Variants in TENM3 observed in about 807,000 individuals in gnomAD.
TENM3 encodes teneurin transmembrane protein 3.
Under a neutral mutation model 255.1 loss-of-function variants are expected in TENM3, and 63 were observed. The ratio of observed to expected loss-of-function variants is 0.25; its 90% CI spans 0.20 to 0.30. The LOEUF is 0.30. TENM3 is among the 10% of genes least tolerant of loss of function. The probability of loss-of-function intolerance (pLI) is 1.00; values close to 1 mark genes in which losing one functional copy is unlikely to be tolerated. For synonymous variants in TENM3, 1,306 were observed against 1,322.3 expected (o/e 0.99, Z 0.27); for missense variants, 2,929 against 3,461.1 (o/e 0.85, Z 3.86).
chr4:181,958,381 C>A, the TENM3 span, among the ~76,000 whole-genome samples: 1 of 152,098 alleles, frequency 6.6e-6, no homozygotes, highest in Non-Finnish European at 1.5e-5. Flanking sequence ...AAGAATTAGA[C>A]TTTCTAGTTG....
At chr4:182,401,899 G>A (rs1020896870) in intron 3 of TENM3, among the ~76,000 whole-genome samples, 2 of 152,192 alleles carry the variant, frequency 1.3e-5, no homozygotes, top group African/African-American at 4.8e-5. Flanking sequence ...AAGTAGATGA[G>A]AAGGGATGGT....
the TENM3 span, among the ~76,000 whole-genome samples, chr4:181,944,435 G>A: frequency 2.6e-5 from 4 of 151,070 alleles, no homozygotes; most frequent in Non-Finnish European, 4.4e-5. Flanking sequence ...ACTGGCGAAG[G>A]GGGATCCTTT....
At chr4:181,631,954 T>C in the TENM3 span, among the ~76,000 whole-genome samples, 1 of 152,242 alleles carries the variant, frequency 6.6e-6, no homozygotes. Context: ...ATTTCTAAAA[T>C]CATTAGAGCA....
chr4:181,673,479 C>T, the TENM3 span, among the ~76,000 whole-genome samples: 1 of 151,976 alleles, frequency 6.6e-6, no homozygotes, highest in African/African-American at 2.4e-5. Context: ...AAATTTTAAG[C>T]AATTTTATCA....
At chr4:182,530,561 T>A (rs1739673938) in intron 3 of TENM3, among the ~76,000 whole-genome samples, 1 of 152,174 alleles carries the variant, frequency 6.6e-6, no homozygotes, top group African/African-American at 2.4e-5. Flanking sequence ...GGGGCTGTGC[T>A]GTGCGTTTTA....
chr4:182,769,134 C>T (rs2152785762), intron 22 of TENM3, among the ~76,000 whole-genome samples: 1 of 152,320 alleles, frequency 6.6e-6, no homozygotes, highest in Non-Finnish European at 1.5e-5. Context: ...GAATCTGAAT[C>T]CGCCCAGAGG....
At chr4:181,864,432 AAG>A in the TENM3 span, among the ~76,000 whole-genome samples, 9 of 151,434 alleles carry the variant, frequency 5.9e-5, no homozygotes, top group East Asian at 1.9e-4. Context: ...AGGAGACAAA[AAG>A]AGAGAGAGAG....
At chr4:182,796,851 A>G (rs1766529154) in intron 27 of TENM3, 84 bp downstream of exon 27, 1 of 1,084,380 alleles carries the variant, frequency 9.2e-7, no homozygotes, top group Non-Finnish European at 1.3e-6. Flanking sequence ...CCTTGTGAAA[A>G]CTGTACCAAA....
upstream of TENM3, among the ~76,000 whole-genome samples, chr4:182,242,218 C>T (rs1757326337): frequency 6.6e-6 from 1 of 152,016 alleles, no homozygotes; most frequent in Non-Finnish European, 1.5e-5. Flanking sequence ...CTTCCCCCAC[C>T]CCATGACAGG....
At chr4:181,926,885 C>T in the TENM3 span, among the ~76,000 whole-genome samples, 2 of 151,806 alleles carry the variant, frequency 1.3e-5, no homozygotes, top group Non-Finnish European at 2.9e-5. Context: ...GGTGGGGCAT[C>T]ACCTCACCCA....
the TENM3 span, among the ~76,000 whole-genome samples, chr4:182,123,130 G>C: frequency 6.6e-6 from 1 of 152,054 alleles, no homozygotes; most frequent in African/African-American, 2.4e-5. Context: ...TTGGCTTAAG[G>C]GAATTTCATG....
the TENM3 span, among the ~76,000 whole-genome samples, chr4:182,075,648 G>A: frequency 6.6e-6 from 1 of 152,160 alleles, no homozygotes; most frequent in East Asian, 1.9e-4. Flanking sequence ...CATATCATCA[G>A]ACTCAGAATC....
chr4:182,140,417 C>T (rs980485496), upstream of TENM3, among the ~76,000 whole-genome samples: 4 of 152,098 alleles, frequency 2.6e-5, no homozygotes, highest in Admixed American at 6.6e-5. Context: ...ATTTGGCTCC[C>T]CTGGTCATTT....
chr4:182,606,384 C>T lies in TENM3; in HGVS notation c.749+5223C>T, dbSNP rs894291844. ...ACGAAAAATACAAAAATTAGCCAGG[C>T]GGGGTGGTGGGCACCTGTAATCTCA... On this transcript the variant is annotated intron_variant, in intron 4 of 27. Coordinates refer to ENST00000511685, the MANE Select transcript of TENM3 (RefSeq NM_001080477.4). Among the ~76,000 whole-genome samples, 3 of 151,888 alleles carry T rather than the reference C, an allele frequency of 2.0e-5. No individual in the cohort carries two copies. In the South Asian group the frequency reaches 6.3e-4, roughly 32 times the overall value.
the TENM3 span, among the ~76,000 whole-genome samples, chr4:181,784,764 A>T: frequency 6.6e-6 from 1 of 152,166 alleles, no homozygotes; most frequent in East Asian, 1.9e-4. Context: ...ATAATTCATG[A>T]TTCAGAAAAT....
chr4:182,061,959 A>C, the TENM3 span, among the ~76,000 whole-genome samples: 1 of 152,208 alleles, frequency 6.6e-6, no homozygotes, highest in Non-Finnish European at 1.5e-5. Context: ...CCTGTCTCAA[A>C]CAAATTAAAA....
At chr4:181,522,114 A>G in the TENM3 span, among the ~76,000 whole-genome samples, 1 of 150,156 alleles carries the variant, frequency 6.7e-6, no homozygotes, top group East Asian at 1.9e-4. Flanking sequence ...AAAAAAAAAA[A>G]AAAAAAAAAA....
At chr4:181,666,234 T>G in the TENM3 span, among the ~76,000 whole-genome samples, 2 of 152,278 alleles carry the variant, frequency 1.3e-5, no homozygotes, top group East Asian at 3.9e-4. Flanking sequence ...AGAAAGAAAT[T>G]GTTATACTGT....
chr4:182,439,642 C>T (rs1156723730), intron 3 of TENM3, among the ~76,000 whole-genome samples: 1 of 152,150 alleles, frequency 6.6e-6, no homozygotes, highest in East Asian at 1.9e-4. Context: ...TCTATTTCCC[C>T]ACCATCCACT....
Sources: allele counts gnomAD v4.1 joint callset (sites outside exome capture counted in the v4.1 genomes callset), GRCh38; gene constraint gnomAD v4.1.1; transcripts MANE v1.5; gene names NCBI Gene and HGNC (gene_info 2026-07-23, HGNC 2026-07-21).